The following PTPRD variants were observed in gnomAD, a reference collection of about 807,000 sequenced individuals.
PTPRD encodes the protein receptor-type tyrosine-protein phosphatase delta.
A neutral mutation model predicts 214.5 loss-of-function variants in PTPRD; 34 were observed. That is an observed-to-expected ratio of 0.16 (90% CI 0.12 to 0.21). The LOEUF (loss-of-function observed/expected upper bound fraction) is 0.21, where lower values mean the gene tolerates loss of function less well. PTPRD is among the 10% of genes least tolerant of loss of function. PTPRD has a pLI of 1.00. For missense variants in PTPRD, 2,545 were observed against 2,398.7 expected, an observed-to-expected ratio of 1.06 and a Z score of -1.27; for synonymous variants, 1,128 against 845.7, an observed-to-expected ratio of 1.33 and a Z score of -5.79.
intron 7 of PTPRD, among the ~76,000 whole-genome samples, chr9:9,677,078 G>T (rs186476698): frequency 0.035 from 5,328 of 152,018 alleles, 283 homozygotes; most frequent in African/African-American, 0.11. Context: ...TTTGTAGGTT[G>T]CCTGTTCACT....
intron 10 of PTPRD, among the ~76,000 whole-genome samples, chr9:9,130,058 A>G (rs1253410439): frequency 6.6e-6 from 1 of 152,184 alleles, no homozygotes; most frequent in Non-Finnish European, 1.5e-5. Flanking sequence ...CATTTTAATT[A>G]TTAAGATATG....
intron 5 of PTPRD, among the ~76,000 whole-genome samples, chr9:9,862,970 T>G (rs115592430): frequency 0.018 from 2,801 of 152,284 alleles, 31 homozygotes; most frequent in Middle Eastern, 0.031. Flanking sequence ...TTTCAACCAT[T>G]ATTTCTTCAA....
intron 10 of PTPRD, among the ~76,000 whole-genome samples, chr9:9,023,714 T>C (rs146247894): frequency 2.0e-5 from 3 of 152,148 alleles, no homozygotes; most frequent in African/African-American, 7.2e-5. Context: ...TTCATGTCCA[T>C]GTGTGCTCAA....
At chr9:8,722,387 T>C (rs2098510438) in intron 12 of PTPRD, among the ~76,000 whole-genome samples, 1 of 152,270 alleles carries the variant, frequency 6.6e-6, no homozygotes, top group East Asian at 1.9e-4. Context: ...CCATGTACTA[T>C]TTTAGAGAAA....
At chr9:8,640,535 T>C (rs12686075) in intron 12 of PTPRD, among the ~76,000 whole-genome samples, 38,612 of 145,432 alleles carry the variant, frequency 0.27, 5,258 homozygotes, top group Middle Eastern at 0.33. Context: ...ACTGTATTGA[T>C]GTGATATTCT....
chr9:10,109,362 C>A (rs148234551), intron 3 of PTPRD, among the ~76,000 whole-genome samples: 1,634 of 152,138 alleles, frequency 0.011, 27 homozygotes, highest in African/African-American at 0.037. Context: ...TTTTGGGGAA[C>A]AAAGTAATTT....
At chr9:8,406,234 C>T (rs1032505994) in intron 35 of PTPRD, among the ~76,000 whole-genome samples, 16 of 152,066 alleles carry the variant, frequency 1.1e-4, no homozygotes, top group African/African-American at 3.9e-4. Flanking sequence ...ATGCTATGAG[C>T]CGAAGGTATT....
At chr9:10,359,986 A>G (rs946481923) in intron 2 of PTPRD, among the ~76,000 whole-genome samples, 44 of 152,196 alleles carry the variant, frequency 2.9e-4, no homozygotes, top group African/African-American at 1.1e-3. Flanking sequence ...ATTTTTGGCC[A>G]ATGTCAGCTA....
chr9:10,363,817 T>C (rs1172911639), intron 2 of PTPRD, among the ~76,000 whole-genome samples: 1 of 152,082 alleles, frequency 6.6e-6, no homozygotes, highest in Non-Finnish European at 1.5e-5. Flanking sequence ...TTCACACATG[T>C]AGATAGATGC....
At chr9:9,618,049 GC>G (rs2094996687) in intron 7 of PTPRD, among the ~76,000 whole-genome samples, 1 of 110,114 alleles carries the variant, frequency 9.1e-6, no homozygotes, top group African/African-American at 3.2e-5. Flanking sequence ...TCCAGCCTGG[GC>G]GACAGAGCGA....
chr9:9,440,448 G>C (rs1016097491), intron 8 of PTPRD, among the ~76,000 whole-genome samples: 2 of 152,156 alleles, frequency 1.3e-5, no homozygotes, highest in African/African-American at 2.4e-5. Flanking sequence ...GGAAAAAAGA[G>C]ACAACAGTAC....
At chr9:8,459,306 G>C (rs1028833074) in intron 33 of PTPRD, among the ~76,000 whole-genome samples, 3 of 152,030 alleles carry the variant, frequency 2.0e-5, no homozygotes, top group Non-Finnish European at 2.9e-5. Flanking sequence ...GACAGGGAGA[G>C]AAGCTATCTT....
At chr9:8,808,782 T>C (rs370246005) in intron 11 of PTPRD, among the ~76,000 whole-genome samples, 8 of 152,322 alleles carry the variant, frequency 5.3e-5, no homozygotes, top group Admixed American at 1.3e-4. Flanking sequence ...TGATAATAGT[T>C]CTTCCTAGGA....
chr9:8,927,267 G>A (rs965755986), intron 11 of PTPRD, among the ~76,000 whole-genome samples: 1 of 152,072 alleles, frequency 6.6e-6, no homozygotes, highest in South Asian at 2.1e-4. Context: ...TACATGTGCA[G>A]AATGTGCAGG....
At chr9:8,602,635 T>C (rs539030061) in intron 14 of PTPRD, among the ~76,000 whole-genome samples, 1 of 152,338 alleles carries the variant, frequency 6.6e-6, no homozygotes, top group East Asian at 1.9e-4. Flanking sequence ...AATAGTCTCA[T>C]GTGCTCAGAC....
intron 22 of PTPRD, among the ~76,000 whole-genome samples, chr9:8,506,083 C>G (rs998846466): frequency 7.2e-5 from 11 of 152,154 alleles, no homozygotes; most frequent in African/African-American, 2.7e-4. Context: ...AGATTCTGCT[C>G]AATTCAAACA....
chr9:9,272,560 C>A (rs535380542), intron 9 of PTPRD, among the ~76,000 whole-genome samples: 5 of 151,284 alleles, frequency 3.3e-5, no homozygotes, highest in African/African-American at 9.7e-5. Flanking sequence ...GGGCGAAGGG[C>A]GGTCATCTGA....
Position 10,031,643 on chromosome 9 carries a change from T to C in PTPRD, c.-472+2075A>G, listed in dbSNP as rs950451225. Among the ~76,000 whole-genome samples the C allele has an allele frequency of 5.3e-3, 376 of 70,944 alleles. 22 individuals carry two copies. Among genetic ancestry groups the C allele is most frequent in the African/African-American group, 0.043 (344 of 8,084 alleles). The allele number at this position is 70,944 out of a possible 152,430, so 46.5% of individuals were successfully genotyped here. A position where few individuals can be genotyped will look rare whatever the true frequency, so the allele number is the denominator to read the frequency against. ...AAAACTCCATATATATATATATATA[T>C]ATATACACACACACACACACACATA... On this transcript the variant is annotated intron_variant, in intron 4 of 45. Transcript: ENST00000381196.
intron 7 of PTPRD, among the ~76,000 whole-genome samples, chr9:9,620,836 G>C (rs919685280): frequency 5.3e-5 from 8 of 150,478 alleles, no homozygotes; most frequent in Non-Finnish European, 1.0e-4. Flanking sequence ...GAGGTTGCTA[G>C]CTCTTCTAAA....
Sources: gnomAD v4.1 joint callset for allele counts (sites outside exome capture counted in the v4.1 genomes callset) on GRCh38, gnomAD v4.1.1 for gene constraint, MANE v1.5 for transcripts, NCBI Gene and HGNC (gene_info 2026-07-23, HGNC 2026-07-21) for gene names.